OR2L13: variants seen among roughly 807,000 people sequenced by gnomAD.
OR2L13 encodes the protein olfactory receptor 2L13.
A neutral mutation model predicts 15.3 loss-of-function variants in OR2L13; 14 were observed. That is an observed-to-expected ratio of 0.91 (90% CI 0.60 to 1.43). The LOEUF is 1.43. OR2L13 is among the 40% of genes most tolerant of loss of function. The probability of loss-of-function intolerance (pLI) is 0.00; values close to 1 mark genes in which losing one functional copy is unlikely to be tolerated. For missense variants in OR2L13, 367 were observed against 387.9 expected (o/e 0.95, Z 0.45); for synonymous variants, 152 against 142.9 (o/e 1.06, Z -0.45).
chr1:247,950,041 A>ATGT, the OR2L13 span, among the ~76,000 whole-genome samples: 279 of 137,878 alleles, frequency 2.0e-3, no homozygotes, highest in Non-Finnish European at 3.3e-3. Context: ...GTCAATAAGA[A>ATGT]TTTTTTTTTT....
chr1:248,068,242 ACC>A, the OR2L13 span, among the ~76,000 whole-genome samples: 8 of 151,920 alleles, frequency 5.3e-5, 1 homozygote, highest in African/African-American at 1.9e-4. Flanking sequence ...ACTGGGAGGC[ACC>A]CCCCAGTAGG....
At chr1:247,982,265 C>T in the OR2L13 span, among the ~76,000 whole-genome samples, 5,901 of 152,230 alleles carry the variant, frequency 0.039, 353 homozygotes, top group African/African-American at 0.13. Flanking sequence ...GAGGACCATC[C>T]TCCTTGGTTC....
At chr1:247,948,914 A>G in the OR2L13 span, 1 of 1,613,624 alleles carries the variant, frequency 6.2e-7, no homozygotes, top group Non-Finnish European at 8.5e-7. Flanking sequence ...TGTTTCCACC[A>G]TCAAGAATTG....
the OR2L13 span, among the ~76,000 whole-genome samples, chr1:248,057,412 C>A: frequency 1.3e-5 from 2 of 151,966 alleles, no homozygotes; most frequent in African/African-American, 4.8e-5. Flanking sequence ...TCTTTTTTGA[C>A]CTTTGTTGGT....
chr1:248,014,762 A>G, the OR2L13 span, among the ~76,000 whole-genome samples: 1 of 152,178 alleles, frequency 6.6e-6, no homozygotes, highest in Non-Finnish European at 1.5e-5. Context: ...TATGTCACAG[A>G]CAGCTCCTAA....
At chr1:247,961,060 C>T in the OR2L13 span, among the ~76,000 whole-genome samples, 1 of 152,274 alleles carries the variant, frequency 6.6e-6, no homozygotes, top group African/African-American at 2.4e-5. Context: ...TAGAGCTGTT[C>T]CTATTCGGCC....
chr1:248,003,137 A>G, the OR2L13 span: 1 of 1,328,414 alleles, frequency 7.5e-7, no homozygotes, highest in Non-Finnish European at 1.1e-6. Flanking sequence ...CCCCATGGAA[A>G]ATTGCAATCA....
At chr1:247,992,506 A>G in the OR2L13 span, among the ~76,000 whole-genome samples, 1 of 152,128 alleles carries the variant, frequency 6.6e-6, no homozygotes, top group African/African-American at 2.4e-5. Flanking sequence ...CATAGTACCC[A>G]ATCAATAGTT....
chr1:248,036,130 T>G, the OR2L13 span, among the ~76,000 whole-genome samples: 2 of 152,194 alleles, frequency 1.3e-5, no homozygotes, highest in Non-Finnish European at 2.9e-5. Flanking sequence ...TGAGAATTTT[T>G]GTATGGTATT....
the OR2L13 span, among the ~76,000 whole-genome samples, chr1:247,998,585 T>C: frequency 6.6e-6 from 1 of 152,164 alleles, no homozygotes; most frequent in African/African-American, 2.4e-5. Flanking sequence ...GTACTAGTGT[T>C]GTCTTTGCAT....
chr1:248,099,433 A>G (rs1235659511), exon 3 of OR2L13: 7 of 1,613,840 alleles, frequency 4.3e-6, no homozygotes, highest in East Asian at 2.2e-5. Flanking sequence ...GCTTCCCCCA[A>G]ATCAAACTGG....
chr1:248,081,380 A>T, the OR2L13 span, among the ~76,000 whole-genome samples: 1 of 152,112 alleles, frequency 6.6e-6, no homozygotes, highest in Non-Finnish European at 1.5e-5. Context: ...GATAAAGTTC[A>T]TTCCGTTTTT....
the OR2L13 span, chr1:248,040,241 T>C: frequency 7.9e-4 from 120 of 152,358 alleles, no homozygotes; most frequent in African/African-American, 2.8e-3. Context: ...TTCATAAAGG[T>C]TATCTGCTTA....
the OR2L13 span, chr1:248,039,735 T>G: frequency 6.6e-6 from 1 of 152,186 alleles, no homozygotes; most frequent in Non-Finnish European, 1.5e-5. Context: ...TTATCTCCCA[T>G]TATTATAAAA....
At chr1:247,971,505 C>T in the OR2L13 span, among the ~76,000 whole-genome samples, 2 of 152,140 alleles carry the variant, frequency 1.3e-5, no homozygotes, top group African/African-American at 4.8e-5. Flanking sequence ...GTCATGTCAT[C>T]AATATTCTGC....
the OR2L13 span, among the ~76,000 whole-genome samples, chr1:248,000,273 A>C: frequency 2.0e-5 from 3 of 152,050 alleles, no homozygotes; most frequent in Non-Finnish European, 2.9e-5. Flanking sequence ...TCTGTGCCCC[A>C]GTAGAAAACT....
At chr1:248,055,681 C>G in the OR2L13 span, among the ~76,000 whole-genome samples, 1 of 152,194 alleles carries the variant, frequency 6.6e-6, no homozygotes, top group African/African-American at 2.4e-5. Context: ...CACTTAAACC[C>G]AGGAGGCGAA....
chr1:247,948,413 T>C, the OR2L13 span, among the ~76,000 whole-genome samples: 1 of 152,308 alleles, frequency 6.6e-6, no homozygotes, highest in South Asian at 2.1e-4. Context: ...GAAGTTGTAA[T>C]AGAGGTATCT....
the OR2L13 span, among the ~76,000 whole-genome samples, chr1:247,952,989 C>T: frequency 6.6e-6 from 1 of 152,156 alleles, no homozygotes; most frequent in African/African-American, 2.4e-5. Context: ...ATTTTTCATG[C>T]CAATGACCCT....
Sources: gnomAD v4.1 joint callset for allele counts (sites outside exome capture counted in the v4.1 genomes callset) on GRCh38, gnomAD v4.1.1 for gene constraint, MANE v1.5 for transcripts, NCBI Gene and HGNC (gene_info 2026-07-23, HGNC 2026-07-21) for gene names.